The following PACRG variants were observed in gnomAD, a reference collection of about 807,000 sequenced individuals.
The protein encoded by PACRG is parkin coregulated, also known as parkin coregulated gene protein.
In PACRG, 29 loss-of-function variants were observed where a neutral mutation model predicts 29.7. That is an observed-to-expected ratio of 0.98 (90% CI 0.73 to 1.33). PACRG has a LOEUF of 1.33. PACRG is among the 40% of genes most tolerant of loss of function. The pLI is 0.00. For missense variants in PACRG, 279 were observed against 316.2 expected (o/e 0.88, Z 0.89); for synonymous variants, 116 against 118.7 (o/e 0.98, Z 0.15).
At chr6:163,004,726 G>GTATA (rs1554333004) in intron 2 of PACRG, among the ~76,000 whole-genome samples, 1 of 135,986 alleles carries the variant, frequency 7.4e-6, no homozygotes. Context: ...GTGTGTGTGT[G>GTATA]TATATATATA....
intron 2 of PACRG, among the ~76,000 whole-genome samples, chr6:162,910,519 T>G (rs1332942906): frequency 2.0e-5 from 3 of 152,088 alleles, no homozygotes; most frequent in African/African-American, 7.2e-5. Context: ...TGAACATAGA[T>G]AGTTGAGAAA....
chr6:163,054,561 G>A (rs1302726973), intron 2 of PACRG, among the ~76,000 whole-genome samples: 1 of 152,154 alleles, frequency 6.6e-6, no homozygotes, highest in Non-Finnish European at 1.5e-5. Flanking sequence ...TCCTTAGTTC[G>A]GCTGAAGACA....
chr6:162,988,559 C>G (rs77198837), intron 2 of PACRG, among the ~76,000 whole-genome samples: 8,227 of 152,122 alleles, frequency 0.054, 333 homozygotes, highest in Middle Eastern at 0.11. Context: ...CTACAGAAAG[C>G]TATTATGTAG....
Position 163,025,577 on chromosome 6 carries a change from A to T in PACRG, c.292-36573A>T, listed in dbSNP as rs545522402. 1.6e-3 allele frequency among the ~76,000 whole-genome samples: 240 copies of T among 152,380 alleles called. 1 individual carries two copies. Among genetic ancestry groups the T allele is most frequent in the African/African-American group, 5.6e-3 (235 of 41,596 alleles). ...TTTCATACAAACCACTGTTTTAAGCAAACCACCTTGTTGTGCAATTGTGAG... is the reference window on the plus strand; with the variant it reads ...TTTCATACAAACCACTGTTTTAAGCTAACCACCTTGTTGTGCAATTGTGAG... On this transcript the variant is annotated intron_variant, in intron 2 of 4. Transcript: ENST00000366888.
intron 4 of PACRG, among the ~76,000 whole-genome samples, chr6:163,117,996 T>G (rs1816091794): frequency 6.6e-6 from 1 of 152,188 alleles, no homozygotes; most frequent in South Asian, 2.1e-4. Context: ...AAGGCTGACT[T>G]AAGCATTCCG....
At chr6:162,869,468 A>T (rs922100668) in intron 2 of PACRG, among the ~76,000 whole-genome samples, 2 of 152,156 alleles carry the variant, frequency 1.3e-5, no homozygotes, top group African/African-American at 2.4e-5. Context: ...GACTATTGTC[A>T]GGAAAAAAAG....
intron 4 of PACRG, among the ~76,000 whole-genome samples, chr6:163,153,394 G>T (rs1778181661): frequency 6.6e-6 from 1 of 152,150 alleles, no homozygotes; most frequent in Admixed American, 6.5e-5. Context: ...TTCAACTGGG[G>T]AGATTTATAT....
intron 4 of PACRG, among the ~76,000 whole-genome samples, chr6:163,203,337 C>CA (rs1469557758): frequency 6.6e-6 from 1 of 152,110 alleles, no homozygotes. Context: ...CACTTGAGCC[C>CA]AGGAGGCGGA....
chr6:163,114,876 G>A (rs114820162), intron 4 of PACRG, among the ~76,000 whole-genome samples: 5,984 of 149,824 alleles, frequency 0.04, 405 homozygotes, highest in African/African-American at 0.13. Flanking sequence ...AAAAAAAAAG[G>A]TAATAATGTG....
intron 4 of PACRG, chr6:163,179,437 C>G (rs529398885): frequency 3.3e-6 from 1 of 306,750 alleles, no homozygotes; most frequent in South Asian, 2.8e-5. Flanking sequence ...TGGTGGCTCA[C>G]GCTTGTAATC....
intron 4 of PACRG, among the ~76,000 whole-genome samples, chr6:163,200,990 T>C (rs1337125751): frequency 1.3e-5 from 2 of 152,354 alleles, no homozygotes; most frequent in East Asian, 3.9e-4. Context: ...ACATGGGTCC[T>C]GCCTCTCAGC....
At chr6:163,051,498 G>A (rs1223433755) in intron 2 of PACRG, 1 of 151,954 alleles carries the variant, frequency 6.6e-6, no homozygotes, top group East Asian at 1.9e-4. Context: ...CTGGGCTTTT[G>A]ATTTCCTAGG....
intron 4 of PACRG, among the ~76,000 whole-genome samples, chr6:163,206,807 A>G (rs1780922031): frequency 1.1e-5 from 1 of 89,750 alleles, no homozygotes; most frequent in South Asian, 3.1e-4. Context: ...GCTTTGTCAC[A>G]AGTAATCTCA....
chr6:162,909,519 C>T (rs148076564), intron 2 of PACRG, among the ~76,000 whole-genome samples: 5,016 of 144,894 alleles, frequency 0.035, 77 homozygotes, highest in Admixed American at 0.055. Flanking sequence ...CGCGCCACTG[C>T]ACTCCAGCCT....
chr6:163,274,873 T>TTG (rs1159109071), intron 4 of PACRG, among the ~76,000 whole-genome samples: 6 of 148,822 alleles, frequency 4.0e-5, no homozygotes, highest in African/African-American at 1.5e-4. Context: ...TTTTTTTTTT[T>TTG]TTTTGAGATA....
At chr6:162,753,407 ATC>A (rs1427633990) in intron 1 of PACRG, among the ~76,000 whole-genome samples, 1 of 152,186 alleles carries the variant, frequency 6.6e-6, no homozygotes. Context: ...CTCCACATTC[ATC>A]CATGTTGTTG....
At chr6:162,959,566 T>C (rs1040344665) in intron 2 of PACRG, among the ~76,000 whole-genome samples, 3 of 152,130 alleles carry the variant, frequency 2.0e-5, no homozygotes, top group Non-Finnish European at 2.9e-5. Flanking sequence ...ACTTTGGCTT[T>C]TACTCTGAGT....
At chr6:163,054,639 G>A (rs1810376463) in intron 2 of PACRG, among the ~76,000 whole-genome samples, 1 of 152,154 alleles carries the variant, frequency 6.6e-6, no homozygotes. Flanking sequence ...GAGTAAGACA[G>A]GGTTTTGTTG....
intron 2 of PACRG, among the ~76,000 whole-genome samples, chr6:162,874,311 G>A (rs897351354): frequency 2.6e-5 from 4 of 151,802 alleles, no homozygotes; most frequent in Non-Finnish European, 5.9e-5. Context: ...TCAAACTTTA[G>A]CTGCCGATTT....
Sources: allele counts gnomAD v4.1 joint callset (sites outside exome capture counted in the v4.1 genomes callset), GRCh38; gene constraint gnomAD v4.1.1; transcripts MANE v1.5; gene names NCBI Gene and HGNC (gene_info 2026-07-23, HGNC 2026-07-21).